Variants in TBL1XR1 observed in about 807,000 individuals in gnomAD.
The protein encoded by TBL1XR1 is F-box-like/WD repeat-containing protein TBL1XR1.
Under a neutral mutation model 66.9 loss-of-function variants are expected in TBL1XR1, and 5 were observed. The observed-to-expected ratio is 0.07, with a 90% CI of 0.04 to 0.16. The LOEUF (loss-of-function observed/expected upper bound fraction) is 0.16, where lower values mean the gene tolerates loss of function less well. Among genes scored for constraint, TBL1XR1 ranks in the 10% least tolerant of loss-of-function variants. TBL1XR1 has a pLI of 1.00. For synonymous variants in TBL1XR1, 210 were observed against 206.0 expected (o/e 1.02, Z -0.17); for missense variants, 238 against 623.2 (o/e 0.38, Z 6.58).
chr3:177,102,314 T>G (rs1724325193), intron 1 of TBL1XR1, among the ~76,000 whole-genome samples: 1 of 152,180 alleles, frequency 6.6e-6, no homozygotes, highest in South Asian at 2.1e-4. Flanking sequence ...GGTGAATAAA[T>G]ATGTGAAAAA....
At chr3:177,164,682 G>C (rs888283115) in intron 1 of TBL1XR1, among the ~76,000 whole-genome samples, 3 of 152,078 alleles carry the variant, frequency 2.0e-5, no homozygotes, top group Admixed American at 2.0e-4. Flanking sequence ...AATTGAAAAA[G>C]ATTATACAAA....
chr3:177,162,699 T>C (rs1223864204), intron 1 of TBL1XR1, among the ~76,000 whole-genome samples: 1 of 152,182 alleles, frequency 6.6e-6, no homozygotes, highest in Non-Finnish European at 1.5e-5. Context: ...GTTTACTGAG[T>C]TATACATCTA....
intron 1 of TBL1XR1, chr3:177,136,189 C>T (rs904752636): frequency 2.6e-5 from 4 of 152,120 alleles, no homozygotes; most frequent in African/African-American, 9.7e-5. Flanking sequence ...GTTTTATATA[C>T]ACACATGTAT....
chr3:177,124,903 C>T lies in TBL1XR1; in HGVS notation c.-121-26362G>A, dbSNP rs567633719. Among the ~76,000 whole-genome samples, 5 of 152,122 alleles carry T rather than the reference C, an allele frequency of 3.3e-5. 1 individual carries two copies. In the South Asian group the frequency reaches 1.0e-3, roughly 32 times the overall value. ...CAAAAGAAATGAATTTAGAACCCTA[C>T]TTCACACCATATAAAAAATTATCAC... On this transcript the variant is annotated intron_variant, in intron 1 of 15. Coordinates refer to ENST00000457928, the MANE Select transcript of TBL1XR1 (RefSeq NM_024665.7).
chr3:177,186,294 T>C (rs146781240), intron 1 of TBL1XR1, among the ~76,000 whole-genome samples: 2 of 152,222 alleles, frequency 1.3e-5, no homozygotes, highest in East Asian at 1.9e-4. Flanking sequence ...ATCTTAAGCA[T>C]GTATATTACA....
intron 1 of TBL1XR1, among the ~76,000 whole-genome samples, chr3:177,146,921 T>C (rs1730326440): frequency 6.6e-6 from 1 of 152,182 alleles, no homozygotes; most frequent in African/African-American, 2.4e-5. Flanking sequence ...CATCATACTT[T>C]TGCATTCACA....
chr3:177,143,344 A>C (rs1358846288), intron 1 of TBL1XR1, among the ~76,000 whole-genome samples: 1 of 152,076 alleles, frequency 6.6e-6, no homozygotes, highest in South Asian at 2.1e-4. Context: ...AAAGAACATA[A>C]CTACAGTGAA....
intron 1 of TBL1XR1, among the ~76,000 whole-genome samples, chr3:177,167,710 C>T (rs1659031983): frequency 1.3e-5 from 2 of 152,148 alleles, no homozygotes; most frequent in African/African-American, 4.8e-5. Context: ...GCAGGCGGAT[C>T]ACCTAAGGTT....
intron 3 of TBL1XR1, among the ~76,000 whole-genome samples, chr3:177,061,605 G>A (rs1433902859): frequency 6.6e-6 from 1 of 152,158 alleles, no homozygotes; most frequent in African/African-American, 2.4e-5. Context: ...CCTTTGCCAC[G>A]ATGTTCCTTT....
chr3:177,139,530 A>AAG (rs1729384524), intron 1 of TBL1XR1, among the ~76,000 whole-genome samples: 2 of 102,854 alleles, frequency 1.9e-5, no homozygotes, highest in Non-Finnish European at 4.1e-5. Flanking sequence ...GCAAGACTCC[A>AAG]TCTCGGGGGG....
chr3:177,197,618 CCGGGCGGGCGGGCGAGCGGG>C (rs1313257973), upstream of TBL1XR1, among the ~76,000 whole-genome samples: 13 of 130,690 alleles, frequency 9.9e-5, no homozygotes, highest in African/African-American at 3.3e-4. Flanking sequence ...GCGGCCTGCG[CCGGGCGGGCGGGCGAGCGGG>C]CGGGCGGGCG....
chr3:177,084,087 C>CAAAAAAAAA (rs36022409), intron 2 of TBL1XR1, among the ~76,000 whole-genome samples: 8 of 73,942 alleles, frequency 1.1e-4, no homozygotes, highest in East Asian at 4.6e-4. Flanking sequence ...GACTCCGTCT[C>CAAAAAAAAA]AAAAAAAAAA....
At chr3:177,038,844 C>T (rs754863506) in intron 10 of TBL1XR1, among the ~76,000 whole-genome samples, 6 of 152,166 alleles carry the variant, frequency 3.9e-5, no homozygotes, top group African/African-American at 7.2e-5. Context: ...TGGACACAAG[C>T]AAGTCACTTA....
At chr3:177,147,238 G>A (rs745613432) in intron 1 of TBL1XR1, among the ~76,000 whole-genome samples, 5 of 151,896 alleles carry the variant, frequency 3.3e-5, no homozygotes, top group African/African-American at 9.7e-5. Flanking sequence ...TTATAGAGAC[G>A]AGGTCTCCCT....
chr3:177,084,572 G>C (rs1490620426), intron 2 of TBL1XR1, among the ~76,000 whole-genome samples: 3 of 152,218 alleles, frequency 2.0e-5, no homozygotes, highest in Non-Finnish European at 2.9e-5. Context: ...ATAGATACTT[G>C]AACTGTTACC....
chr3:177,065,225 A>G (rs547990098), intron 2 of TBL1XR1, among the ~76,000 whole-genome samples: 2 of 152,326 alleles, frequency 1.3e-5, no homozygotes, highest in East Asian at 3.9e-4. Context: ...ATTTTTCTTC[A>G]AAGTAACATA....
intron 10 of TBL1XR1, among the ~76,000 whole-genome samples, chr3:177,040,455 AG>A (rs1715429166): frequency 6.6e-6 from 1 of 152,296 alleles, no homozygotes; most frequent in East Asian, 1.9e-4. Flanking sequence ...CAAGCATAAT[AG>A]TAACTGGCTA....
rs143886732 is a variant in TBL1XR1, at chr3:177,189,705, T to C, written c.-122+7416A>G. ...CAAATTAGTTGCCTTTATAGTCAAT[T>C]ACCCTGGTTGGCTGGAACTAATACA... On this transcript the variant is annotated intron_variant, in intron 1 of 15. Transcript: ENST00000457928. Among the ~76,000 whole-genome samples, 640 of 150,252 alleles carry C rather than the reference T, an allele frequency of 4.3e-3. 11 individuals are homozygous for C. Among genetic ancestry groups the C allele is most frequent in the African/African-American group, 0.015 (615 of 40,210 alleles).
intron 1 of TBL1XR1, among the ~76,000 whole-genome samples, chr3:177,159,098 T>C (rs555114644): frequency 6.6e-6 from 1 of 152,252 alleles, no homozygotes; most frequent in South Asian, 2.1e-4. Flanking sequence ...TTTTAATTCC[T>C]GCAGTGGTAA....
Sources: gnomAD v4.1 joint callset for allele counts (sites outside exome capture counted in the v4.1 genomes callset) on GRCh38, gnomAD v4.1.1 for gene constraint, MANE v1.5 for transcripts, NCBI Gene and HGNC (gene_info 2026-07-23, HGNC 2026-07-21) for gene names.